ATXN1: variants seen among roughly 807,000 people sequenced by gnomAD.
The protein encoded by ATXN1 is ataxin 1.
A neutral mutation model predicts 56.4 loss-of-function variants in ATXN1; 8 were observed. The observed-to-expected ratio is 0.14, with a 90% CI of 0.08 to 0.26. ATXN1 has a LOEUF of 0.26. Ranked by LOEUF, ATXN1 falls within the 10% of genes least tolerant of loss-of-function variation. ATXN1 has a pLI of 1.00. For synonymous variants in ATXN1, 514 were observed against 494.6 expected, an observed-to-expected ratio of 1.04 and a Z score of -0.52; for missense variants, 987 against 1,106.5, an observed-to-expected ratio of 0.89 and a Z score of 1.53.
intron 4 of ATXN1, among the ~76,000 whole-genome samples, chr6:16,550,434 G>A (rs1761899932): frequency 6.6e-6 from 1 of 152,192 alleles, no homozygotes; most frequent in Non-Finnish European, 1.5e-5. Flanking sequence ...GGGTATCCTA[G>A]AAAAGGGAAT....
chr6:16,571,038 G>C (rs73728013), intron 4 of ATXN1, among the ~76,000 whole-genome samples: 2,262 of 152,280 alleles, frequency 0.015, 70 homozygotes, highest in African/African-American at 0.051. Context: ...TCCTTATGGA[G>C]CTCTGTTGAG....
chr6:16,491,592 C>T (rs112263021), intron 5 of ATXN1, among the ~76,000 whole-genome samples: 4,388 of 152,062 alleles, frequency 0.029, 92 homozygotes, highest in Non-Finnish European at 0.043. Context: ...CCATGGCGCC[C>T]GGCCTGATCC....
intron 5 of ATXN1, among the ~76,000 whole-genome samples, chr6:16,488,385 A>AT (rs1760593242): frequency 6.6e-6 from 1 of 152,120 alleles, no homozygotes; most frequent in East Asian, 1.9e-4. Context: ...TGATTACGGT[A>AT]TTTTTACTAT....
chr6:16,503,155 T>C (rs1204420181), intron 5 of ATXN1, among the ~76,000 whole-genome samples: 2 of 152,216 alleles, frequency 1.3e-5, no homozygotes, highest in Non-Finnish European at 2.9e-5. Context: ...TGAGGCTACT[T>C]ACACTATCTA....
intron 4 of ATXN1, among the ~76,000 whole-genome samples, chr6:16,564,172 G>A (rs565584456): frequency 1.3e-5 from 2 of 152,266 alleles, no homozygotes; most frequent in East Asian, 1.9e-4. Flanking sequence ...TTAGCAGAGC[G>A]CCTGGGCATT....
In ATXN1 at chr6:16,347,995, G is replaced by A. The variant is rs566611142; in HGVS notation, c.-160-19525C>T. Among the ~76,000 whole-genome samples the A allele has an allele frequency of 9.2e-5, 14 of 152,316 alleles. No individual in the cohort carries two copies. In the East Asian group the frequency reaches 2.5e-3, roughly 27 times the overall value. On this transcript the variant is annotated intron_variant, in intron 6 of 7. Transcript: ENST00000436367. ...GCAGCTTCATTCCTGAAGCCAGTGA[G>A]ACCATGAACCCACAGGGAGGAATGA...
At chr6:16,692,335 C>T (rs1369485641) in intron 2 of ATXN1, among the ~76,000 whole-genome samples, 1 of 152,156 alleles carries the variant, frequency 6.6e-6, no homozygotes, top group Non-Finnish European at 1.5e-5. Flanking sequence ...AAACCTCTAC[C>T]TTAGCAGCCA....
intron 2 of ATXN1, among the ~76,000 whole-genome samples, chr6:16,705,191 G>A (rs1759380852): frequency 6.6e-6 from 1 of 152,184 alleles, no homozygotes; most frequent in South Asian, 2.1e-4. Context: ...ATCAGAGGGT[G>A]AGCAAAGAAA....
At position 16,616,876 on chromosome 6, in the gene ATXN1, G is replaced by A. The variant is rs905705111; in HGVS notation, c.-488-30969C>T. The stretch of plus-strand genomic sequence containing the variant: ...GTCAATTTGCTGTCTGAAAATAGGC[G>A]AGTACAGTACAAGAAGATATTTGGA... On this transcript the variant is annotated intron_variant, in intron 3 of 7. Transcript: ENST00000436367. Among the ~76,000 whole-genome samples the A allele has an allele frequency of 2.6e-5, 4 of 151,174 alleles. No individual in the cohort carries two copies. In the East Asian group the frequency reaches 5.8e-4, roughly 22 times the overall value.
intron 6 of ATXN1, among the ~76,000 whole-genome samples, chr6:16,462,451 A>G (rs1427381209): frequency 6.6e-6 from 1 of 152,212 alleles, no homozygotes; most frequent in Non-Finnish European, 1.5e-5. Flanking sequence ...TTTAAAAAGG[A>G]TAAGTGAAAA....
chr6:16,478,210 T>TA (rs555800243), intron 6 of ATXN1, among the ~76,000 whole-genome samples: 63 of 152,322 alleles, frequency 4.1e-4, no homozygotes, highest in African/African-American at 1.5e-3. Flanking sequence ...CTTGACACAC[T>TA]ACCCTTTCAT....
At chr6:16,398,426 A>C (rs1033961985) in intron 6 of ATXN1, among the ~76,000 whole-genome samples, 1 of 152,214 alleles carries the variant, frequency 6.6e-6, no homozygotes, top group African/African-American at 2.4e-5. Context: ...AAAGAATCCA[A>C]GTTCTTGCAC....
chr6:16,318,063 C>T (rs747957147), intron 7 of ATXN1, among the ~76,000 whole-genome samples: 2 of 152,248 alleles, frequency 1.3e-5, no homozygotes, highest in Non-Finnish European at 2.9e-5. Context: ...TATGCACATA[C>T]ACGCATATTT....
intron 1 of ATXN1, among the ~76,000 whole-genome samples, chr6:16,757,864 C>T (rs898099633): frequency 7.1e-6 from 1 of 141,610 alleles, no homozygotes. Flanking sequence ...TATTATTTCT[C>T]TTTGCTTAGC....
At chr6:16,488,143 T>C (rs148392826) in intron 5 of ATXN1, among the ~76,000 whole-genome samples, 2 of 152,306 alleles carry the variant, frequency 1.3e-5, no homozygotes, top group Non-Finnish European at 2.9e-5. Context: ...CTGATGCAGG[T>C]ATTATTCTTG....
chr6:16,395,789 G>A (rs747172083), intron 6 of ATXN1, among the ~76,000 whole-genome samples: 2 of 151,946 alleles, frequency 1.3e-5, no homozygotes, highest in Non-Finnish European at 2.9e-5. Context: ...AGGCCAAGGT[G>A]GGCAGATCAC....
At chr6:16,605,652 T>G (rs184113028) in intron 3 of ATXN1, among the ~76,000 whole-genome samples, 1 of 152,300 alleles carries the variant, frequency 6.6e-6, no homozygotes, top group African/African-American at 2.4e-5. Flanking sequence ...ATATGATACT[T>G]AGAAGAACTA....
At position 16,305,862 on chromosome 6, in the gene ATXN1, T is replaced by C. The variant is rs763474705; in HGVS notation, c.*467A>G. 63 of 156,420 alleles carry C rather than the reference T, an allele frequency of 4.0e-4. No homozygotes were observed. The highest frequency in any genetic ancestry group is 6.2e-4 in the Admixed American group (10 of 16,048). The allele number at this position is 156,420 out of a possible 1,614,324, so 9.7% of individuals were successfully genotyped here. A position where few individuals can be genotyped will look rare whatever the true frequency, so the allele number is the denominator to read the frequency against. On this transcript the variant is annotated 3_prime_UTR_variant, in exon 8 of 8. Coordinates refer to ENST00000436367, the MANE Select transcript of ATXN1 (RefSeq NM_001128164.2). ...CACTGCTCTGAACCCCCCCGGCCCA[T>C]GCCGATAGCAAGAGAGTGAGGCAGA...
At chr6:16,569,528 G>GA (rs60416047) in intron 4 of ATXN1, among the ~76,000 whole-genome samples, 1,978 of 96,342 alleles carry the variant, frequency 0.021, 65 homozygotes, top group African/African-American at 0.069. Flanking sequence ...CTCCGTCTCA[G>GA]AAAAAAAAAA....
Sources: gnomAD v4.1 joint callset for allele counts (sites outside exome capture counted in the v4.1 genomes callset) on GRCh38, gnomAD v4.1.1 for gene constraint, MANE v1.5 for transcripts, NCBI Gene and HGNC (gene_info 2026-07-23, HGNC 2026-07-21) for gene names.